The following CUL9 variants were observed in gnomAD, a reference collection of about 807,000 sequenced individuals.
The protein encoded by CUL9 is cullin-9.
In CUL9, 79 loss-of-function variants were observed where a neutral mutation model predicts 272.6. The ratio of observed to expected loss-of-function variants is 0.29; its 90% CI spans 0.24 to 0.35. CUL9 has a LOEUF of 0.35. CUL9 is among the 10% of genes least tolerant of loss of function. The pLI is 1.00. For synonymous variants in CUL9, 1,186 were observed against 1,286.5 expected, an observed-to-expected ratio of 0.92 and a Z score of 1.67; for missense variants, 2,532 against 3,255.6, an observed-to-expected ratio of 0.78 and a Z score of 5.41.
rs758975099 is a variant in CUL9, at chr6:43,202,791, C to T, written c.3723C>T (p.Ser1241=). Residue 1241 remains serine (S), a synonymous_variant, in exon 17 of 41, where the codon AGC becomes AGT. Coordinates refer to ENST00000252050, the MANE Select transcript of CUL9 (RefSeq NM_015089.4). Reference sequence around the variant, plus strand: ...GGGTGGTGGTGTTTGGGGGTGACAGCACCAGCTGCATCGGCACTGAGCTCA... The same window carrying T: ...GGGTGGTGGTGTTTGGGGGTGACAGTACCAGCTGCATCGGCACTGAGCTCA... ...PARVVVFGGD[S]TSCIGTELNT... 1 of 1,614,122 alleles carries T rather than the reference C, an allele frequency of 6.2e-7. No homozygotes were observed. Among genetic ancestry groups the T allele is most frequent in the Non-Finnish European group, 8.5e-7 (1 of 1,180,002 alleles).
Position 43,193,002 on chromosome 6 carries a change from G to A in CUL9, c.2182G>A (p.Glu728Lys), listed in dbSNP as rs537447610. 6.2e-7 allele frequency: 1 copy of A among 1,613,978 alleles called. No homozygotes were observed. The highest frequency in any genetic ancestry group is 2.2e-5 in the East Asian group (1 of 44,880). Reference protein sequence around the residue: ...PLVRPDRSLREKLVKMLVELL... With the variant: ...PLVRPDRSLRKKLVKMLVELL... ...CCCCAATATCTCTTCTCTTGTCAGA[G>A]AGAAGCTAGTGAAGATGCTGGTGGA... Residue 728 changes from glutamate (E) to lysine (K), a missense_variant and splice_region_variant, in exon 9 of 41, where the codon GAG becomes AAG. Physicochemically the swap from Glu to Lys is moderately conservative, Grantham distance 56 (BLOSUM62 1). This residue lies in a region of CUL9 where 2,218 missense variants were observed against 2,788.6 expected (regional missense o/e 0.80). Transcript: ENST00000252050.
Position 43,187,793 on chromosome 6 carries a change from A to G in CUL9, c.1662A>G (p.Arg554=). Residue 554 remains arginine, a synonymous_variant, in exon 7 of 41, where the codon CGA becomes CGG. Coordinates refer to ENST00000252050, the MANE Select transcript of CUL9 (RefSeq NM_015089.4). ...GTCTGCTGCAGGTTCTCAGTAGTCG[A>G]TTTGAGGGCAGCACTCTCAATGACC... is the stretch of plus-strand genomic sequence containing the variant. ...AESLLQVLSS[R]FEGSTLNDLL... The G allele has an allele frequency of 6.2e-7, 1 of 1,613,802 alleles. No homozygotes were observed. Among genetic ancestry groups the G allele is most frequent in the East Asian group, 2.2e-5 (1 of 44,862 alleles).
chr6:43,215,365 A>G, intron 30 of CUL9, 39 bp downstream of exon 30: 1 of 1,557,178 alleles, frequency 6.4e-7, no homozygotes, highest in Non-Finnish European at 8.7e-7. Context: ...GAGGCGGGAG[A>G]GGTGGTCATG....
Position 43,223,947 on chromosome 6 carries a change from C to T in CUL9, c.7285-148C>T, listed in dbSNP as rs1208269117. 1 of 771,286 alleles carries T rather than the reference C, an allele frequency of 1.3e-6. No homozygotes were observed. Among genetic ancestry groups the T allele is most frequent in the East Asian group, 2.5e-5 (1 of 40,192 alleles). 47.8% of individuals were successfully genotyped at this position (771,286 alleles called of 1,614,324 possible). On this transcript the variant is annotated intron_variant, in intron 39 of 40. Transcript: ENST00000252050. This position sits in a 1 kb window ranked among gnomAD's most constrained non-coding sequence, Gnocchi z 4.1. ...TGGAGACCATCTGTGGGTGAACTCA[C>T]AAAGGCAGTGTTTCATGAAGTGCTG...
chr6:43,208,817 A>G (rs146237800), intron 26 of CUL9, among the ~76,000 whole-genome samples: 1,547 of 152,176 alleles, frequency 0.01, 22 homozygotes, highest in African/African-American at 0.035. Context: ...TGCCATTTTA[A>G]CCATTCAAAG....
intron 16 of CUL9, among the ~76,000 whole-genome samples, chr6:43,201,312 G>A (rs540638144): frequency 6.6e-6 from 1 of 152,146 alleles, no homozygotes; most frequent in African/African-American, 2.4e-5. Context: ...TCTGGAAGGA[G>A]GGGGTGACTG....
chr6:43,219,468 G>A (rs1582430020), intron 31 of CUL9, among the ~76,000 whole-genome samples: 1 of 152,196 alleles, frequency 6.6e-6, no homozygotes, highest in African/African-American at 2.4e-5. Flanking sequence ...TGAATTCAGA[G>A]AAAATTTTCC....
In CUL9 at chr6:43,193,198, C is replaced by T. The variant is rs1395039118; in HGVS notation, c.2378C>T (p.Ala793Val). 8 of 1,613,888 alleles carry T rather than the reference C, an allele frequency of 5.0e-6. No homozygotes were observed. The Admixed American group carries it at 5.0e-5, about 10-fold the overall frequency. The change falls in exon 9 of 41, where the codon GCT becomes GTT. Residue 793 changes from alanine (A) to valine (V), a missense_variant. Ala to Val is a moderately conservative substitution (Grantham distance 64). This residue lies in a region of CUL9 where 2,218 missense variants were observed against 2,788.6 expected (regional missense o/e 0.80). Transcript: ENST00000252050. ...AAGACTTCTGTCTTGGTGCAGCAGG[C>T]TGGGCTGGCGGTGAGTACATTGGGC... is the stretch of plus-strand genomic sequence containing the variant. The part of the protein sequence containing the change: ...EYKTSVLVQQ[A>V]GLAALKMLAV...
chr6:43,200,287 C>G lies in CUL9; in HGVS notation c.3384+131C>G. On this transcript the variant is annotated intron_variant, in intron 14 of 40. Transcript: ENST00000252050. The surrounding 1 kb of genome is among the most constrained non-coding windows in gnomAD (Gnocchi z 4.0). ...CAAATCTGGGGCACTTGTTTCCTAA[C>G]CTTGACTCCACATGGTTCTGTCAAA... The G allele has an allele frequency of 6.8e-7, 1 of 1,478,214 alleles. No individual in the cohort carries two copies. The allele number at this position is 1,478,214 out of a possible 1,614,324, so 91.6% of individuals were successfully genotyped here.
Position 43,203,735 on chromosome 6 carries a change from A to C in CUL9, c.4026-119A>C. The C allele has an allele frequency of 6.6e-7, 1 of 1,512,938 alleles. No homozygotes were observed. The highest frequency in any genetic ancestry group is 8.9e-7 in the Non-Finnish European group (1 of 1,123,026). The allele number at this position is 1,512,938 out of a possible 1,614,324, so 93.7% of individuals were successfully genotyped here. A position where few individuals can be genotyped will look rare whatever the true frequency, so the allele number is the denominator to read the frequency against. ...TGAACGTAGGTGAGAAGTTTGTGTT[A>C]ATTGGGAAAAGTTGGGTCAGGGACC... is the stretch of plus-strand genomic sequence containing the variant. On this transcript the variant is annotated intron_variant, in intron 19 of 40. Coordinates refer to ENST00000252050, the MANE Select transcript of CUL9 (RefSeq NM_015089.4). This position sits in a 1 kb window ranked among gnomAD's most constrained non-coding sequence, Gnocchi z 5.0.
Position 43,223,035 on chromosome 6 carries a change from G to A in CUL9, c.7150+139G>A. 1 of 901,760 alleles carries A rather than the reference G, an allele frequency of 1.1e-6. No individual in the cohort carries two copies. The allele number at this position is 901,760 out of a possible 1,614,324, so 55.9% of individuals were successfully genotyped here. ...CTTCATTCTTCATGGCCTTCTCACT[G>A]CCTGGCTGTTAAAGCTCAGGTCGAA... On this transcript the variant is annotated intron_variant, in intron 38 of 40. Coordinates refer to ENST00000252050, the MANE Select transcript of CUL9 (RefSeq NM_015089.4). This position sits in a 1 kb window ranked among gnomAD's most constrained non-coding sequence, Gnocchi z 4.1.
At chr6:43,187,572 T>G (rs1369015393) in intron 6 of CUL9, 133 bp downstream of exon 6, 2 of 1,326,674 alleles carry the variant, frequency 1.5e-6, no homozygotes, top group Admixed American at 2.0e-5. Flanking sequence ...GGAGTCCTGC[T>G]GGGGGTTGGA....
Position 43,220,653 on chromosome 6 carries a change from C to T in CUL9, c.6423+54C>T. 6.2e-7 allele frequency: 1 copy of T among 1,608,966 alleles called. No homozygotes were observed. The stretch of plus-strand genomic sequence containing the variant: ...AGTGCAGAGCCAAAGGAGTGTGCCC[C>T]AGGGAGTGGGCTGAGCTATGGGGTG... On this transcript the variant is annotated intron_variant, in intron 32 of 40. Coordinates refer to ENST00000252050, the MANE Select transcript of CUL9 (RefSeq NM_015089.4). The surrounding 1 kb of genome is among the most constrained non-coding windows in gnomAD (Gnocchi z 4.9).
rs1323215054 is a variant in CUL9 at position 43,198,769 on chromosome 6, C to T, written c.2964C>T (p.Leu988=). ...CCGTGAGGCCCCTCCTCAAGCGCCT[C>T]CAGCAGGAGACCCAGCCTTTCCTCC... is the stretch of plus-strand genomic sequence containing the variant. ...GGAVRPLLKR[L]QQETQPFLLL... is the part of the protein sequence containing the mutation. The change falls in exon 12 of 41, where the codon CTC becomes CTT. Residue 988 remains leucine, a synonymous_variant. Transcript: ENST00000252050. 1 of 1,614,046 alleles carries T rather than the reference C, an allele frequency of 6.2e-7. No homozygotes were observed. Among genetic ancestry groups the T allele is most frequent in the African/African-American group, 1.3e-5 (1 of 75,032 alleles).
chr6:43,222,251 C>A, intron 35 of CUL9, 65 bp from the exon 36 acceptor site: 2 of 1,350,706 alleles, frequency 1.5e-6, no homozygotes, highest in Non-Finnish European at 2.1e-6. Context: ...GTTGGCTTTT[C>A]CACTTATTAA....
In CUL9 at chr6:43,186,449, T is replaced by C; in HGVS notation, c.1245T>C (p.Pro415=). ...GGCAGAGCAACAACGGCATTCCCCC[T>C]GTGCAGGTGGGCAGCACATGGTGGT... ...EFRQSNNGIP[P]VQVFWQSTGR... is the part of the protein sequence containing the mutation. Residue 415 remains proline, a synonymous_variant, in exon 4 of 41, where the codon CCT becomes CCC. Coordinates refer to ENST00000252050, the MANE Select transcript of CUL9 (RefSeq NM_015089.4). The C allele has an allele frequency of 6.3e-7, 1 of 1,588,110 alleles. No individual in the cohort carries two copies. Among genetic ancestry groups the C allele is most frequent in the South Asian group, 1.1e-5 (1 of 88,042 alleles).
At position 43,188,846 on chromosome 6, in the gene CUL9, C is replaced by T. The variant is rs558207930; in HGVS notation, c.2180+131C>T. ...GGGAAGGCTCAGCCTGAGGAGCAGC[C>T]GAGCAGGAGGGTTGGATGTTTTAAT... On this transcript the variant is annotated intron_variant, in intron 8 of 40. Coordinates refer to ENST00000252050, the MANE Select transcript of CUL9 (RefSeq NM_015089.4). 26 of 690,876 alleles carry T rather than the reference C, an allele frequency of 3.8e-5. 1 individual carries two copies. The South Asian group carries it at 4.0e-4, about 11-fold the overall frequency. 42.8% of individuals were successfully genotyped at this position (690,876 alleles called of 1,614,324 possible). A position where few individuals can be genotyped will look rare whatever the true frequency, so the allele number is the denominator to read the frequency against.
At chr6:43,185,692 G>A (rs1772844671) in intron 3 of CUL9, 82 bp downstream of exon 3, 7 of 1,461,350 alleles carry the variant, frequency 4.8e-6, no homozygotes, top group African/African-American at 1.4e-5. Context: ...CTGAATGTTA[G>A]CACCAGAGCC....
rs772924306 is a variant in CUL9, at chr6:43,222,527, A to G, written c.6922-4A>G. On this transcript the variant is annotated splice_polypyrimidine_tract_variant and splice_region_variant and intron_variant, in intron 36 of 40. Coordinates refer to ENST00000252050, the MANE Select transcript of CUL9 (RefSeq NM_015089.4). ...CTGGTACTGATACACCTTCCTCCAC[A>G]CAGGAGTTTGCTGTGAACTTGCGGA... The G allele has an allele frequency of 1.4e-5, 23 of 1,613,900 alleles. No homozygotes were observed. The African/African-American group carries it at 2.8e-4, about 20-fold the overall frequency.
Sources: allele counts gnomAD v4.1 joint callset (sites outside exome capture counted in the v4.1 genomes callset), GRCh38; gene constraint gnomAD v4.1.1; regional missense constraint gnomAD v4.1.1; non-coding constraint Gnocchi (gnomAD v3.1); transcripts MANE v1.5; gene names NCBI Gene and HGNC (gene_info 2026-07-23, HGNC 2026-07-21).